ZNF560: variants seen among roughly 807,000 people sequenced by gnomAD.
ZNF560 encodes the protein zinc finger protein 560.
ZNF560 carries 54 observed loss-of-function variants against 81.8 expected under a neutral mutation model. The observed-to-expected ratio is 0.66, with a 90% CI of 0.53 to 0.83. ZNF560 has a LOEUF of 0.83. ZNF560 is among the 40% of genes least tolerant of loss of function. ZNF560 has a pLI of 0.00. For synonymous variants in ZNF560, 321 were observed against 317.9 expected (o/e 1.01, Z -0.10); for missense variants, 940 against 932.4 (o/e 1.01, Z -0.11).
intron 6 of ZNF560, 135 bp from the exon 7 acceptor site, chr19:9,470,653 C>G (rs1243751576): frequency 8.6e-7 from 1 of 1,169,466 alleles, no homozygotes; most frequent in Admixed American, 2.1e-5. Flanking sequence ...GGTTCAGTGG[C>G]CCTAGGAACT....
chr19:9,466,448 G>T lies in ZNF560; in HGVS notation c.*126C>A. On this transcript the variant is annotated 3_prime_UTR_variant, in exon 10 of 10. Coordinates refer to ENST00000301480, the MANE Select transcript of ZNF560 (RefSeq NM_152476.3). ...TGTACATATCTAGAAAGATTCAACT[G>T]TTCAGGCTTTCTCACATTCCTTACA... The T allele has an allele frequency of 3.5e-6, 3 of 851,524 alleles. No homozygotes were observed. The highest frequency in any genetic ancestry group is 1.8e-5 in the South Asian group (1 of 54,440). The allele number at this position is 851,524 out of a possible 1,614,324, so 52.7% of individuals were successfully genotyped here.
chr19:9,487,427 T>C (rs941127141), intron 2 of ZNF560, among the ~76,000 whole-genome samples: 1 of 152,202 alleles, frequency 6.6e-6, no homozygotes, highest in African/African-American at 2.4e-5. Flanking sequence ...GTGTTGTAAA[T>C]GGGGCACTAA....
chr19:9,456,571 C>A, the ZNF560 span, among the ~76,000 whole-genome samples: 1 of 151,878 alleles, frequency 6.6e-6, no homozygotes, highest in Non-Finnish European at 1.5e-5. Context: ...AACTATTCAG[C>A]GAAAGAAATT....
At chr19:9,488,937 A>T (rs889077173) in intron 2 of ZNF560, among the ~76,000 whole-genome samples, 2 of 151,844 alleles carry the variant, frequency 1.3e-5, no homozygotes, top group Admixed American at 1.3e-4. Context: ...CCTCCCCCTC[A>T]TTCTCCCTTG....
chr19:9,455,687 G>T, the ZNF560 span, among the ~76,000 whole-genome samples: 1 of 152,206 alleles, frequency 6.6e-6, no homozygotes. Context: ...AGGATATAGT[G>T]TTGCAGTTAT....
Position 9,498,163 on chromosome 19 carries a change from C to T in ZNF560, c.-92G>A, listed in dbSNP as rs2073592074. On this transcript the variant is annotated 5_prime_UTR_variant, in exon 2 of 10. Coordinates refer to ENST00000301480, the MANE Select transcript of ZNF560 (RefSeq NM_152476.3). ...TGGAGTCGCCAGGTCCGTGGGGCTA[C>T]AGGATCTTGGGGACGGAGTCAATCG... 1 of 152,198 alleles carries T rather than the reference C, an allele frequency of 6.6e-6. No homozygotes were observed. Among genetic ancestry groups the T allele is most frequent in the African/African-American group, 2.4e-5 (1 of 41,438 alleles). 9.4% of individuals were successfully genotyped at this position (152,198 alleles called of 1,614,324 possible). A position where few individuals can be genotyped will look rare whatever the true frequency, so the allele number is the denominator to read the frequency against.
intron 2 of ZNF560, among the ~76,000 whole-genome samples, chr19:9,476,863 C>T (rs971824021): frequency 1.3e-5 from 2 of 152,094 alleles, no homozygotes; most frequent in Non-Finnish European, 2.9e-5. Flanking sequence ...GAAAAACTTA[C>T]CATAGGGCAA....
At chr19:9,463,041 G>A (rs2072958571), downstream of ZNF560, among the ~76,000 whole-genome samples, 1 of 152,180 alleles carries the variant, frequency 6.6e-6, no homozygotes, top group Non-Finnish European at 1.5e-5. Context: ...ATAAAAGTAT[G>A]CTTGTTTTAC....
At chr19:9,497,548 A>G (rs2073581522) in intron 2 of ZNF560, among the ~76,000 whole-genome samples, 2 of 151,834 alleles carry the variant, frequency 1.3e-5, no homozygotes, top group Admixed American at 6.6e-5. Context: ...AAAAAAAAAA[A>G]AAAAAAAATG....
At chr19:9,503,367 A>G (rs963942467), upstream of ZNF560, among the ~76,000 whole-genome samples, 1 of 151,842 alleles carries the variant, frequency 6.6e-6, no homozygotes, top group African/African-American at 2.4e-5. Flanking sequence ...ACTAACAGAA[A>G]TTTTTTTCTT....
At chr19:9,505,946 T>C in the ZNF560 span, among the ~76,000 whole-genome samples, 1 of 151,720 alleles carries the variant, frequency 6.6e-6, no homozygotes, top group African/African-American at 2.4e-5. Flanking sequence ...TTACAGGTGT[T>C]AGCCACCACA....
the ZNF560 span, among the ~76,000 whole-genome samples, chr19:9,505,977 A>ACTTT: frequency 9.6e-3 from 1,436 of 150,006 alleles, 12 homozygotes; most frequent in African/African-American, 0.025. Context: ...ATTCATATTT[A>ACTTT]CTTTCTTTCT....
chr19:9,496,606 G>C (rs2073562660), intron 2 of ZNF560, among the ~76,000 whole-genome samples: 1 of 149,978 alleles, frequency 6.7e-6, no homozygotes, highest in Non-Finnish European at 1.5e-5. Flanking sequence ...GTGGGGGTGG[G>C]GGGGACAGGG....
rs963407637 is a variant in ZNF560 at position 9,477,827 on chromosome 19, C to A, written c.-56-2458G>T. On this transcript the variant is annotated intron_variant, in intron 2 of 9. Transcript: ENST00000301480. ...CAGTAGAGAAGGAAAAGAAAAAAAT[C>A]TTTGAACTTGAAAACAGACTACTTA... Among the ~76,000 whole-genome samples, 6 of 152,070 alleles carry A rather than the reference C, an allele frequency of 3.9e-5. 1 individual carries two copies. Among genetic ancestry groups the A allele is most frequent in the South Asian group, 4.1e-4 (2 of 4,824 alleles).
intron 9 of ZNF560, among the ~76,000 whole-genome samples, chr19:9,468,569 T>A (rs2073071081): frequency 6.6e-6 from 1 of 152,170 alleles, no homozygotes; most frequent in Non-Finnish European, 1.5e-5. Flanking sequence ...TTTTAAAAAC[T>A]CAAATGTCTA....
At chr19:9,493,466 G>A (rs926625656) in intron 2 of ZNF560, among the ~76,000 whole-genome samples, 4 of 152,116 alleles carry the variant, frequency 2.6e-5, no homozygotes, top group Non-Finnish European at 4.4e-5. Context: ...CCAGATTCAA[G>A]CCATTCTCCT....
chr19:9,471,278 AC>A lies in ZNF560; in HGVS notation c.321+17del. 6.5e-7 allele frequency: 1 copy of A among 1,534,852 alleles called. No homozygotes were observed. The highest frequency in any genetic ancestry group is 8.8e-7 in the Non-Finnish European group (1 of 1,134,898). ...TCTCTGAGTGTGAAAAATAAGAAAT[AC>A]CCTTTCTTAACATTACCATTTGTAT... On this transcript the variant is annotated intron_variant, in intron 6 of 9. Coordinates refer to ENST00000301480, the MANE Select transcript of ZNF560 (RefSeq NM_152476.3).
chr19:9,505,606 C>T, the ZNF560 span, among the ~76,000 whole-genome samples: 1 of 152,162 alleles, frequency 6.6e-6, no homozygotes, highest in African/African-American at 2.4e-5. Context: ...TTATTTCCTC[C>T]ACTGCTGATT....
downstream of ZNF560, among the ~76,000 whole-genome samples, chr19:9,463,509 A>G (rs147283068): frequency 6.6e-6 from 1 of 152,372 alleles, no homozygotes; most frequent in Non-Finnish European, 1.5e-5. Context: ...GAGGTGACAG[A>G]AGTCACACAA....
Sources: allele counts gnomAD v4.1 joint callset (sites outside exome capture counted in the v4.1 genomes callset), GRCh38; gene constraint gnomAD v4.1.1; transcripts MANE v1.5; gene names NCBI Gene and HGNC (gene_info 2026-07-23, HGNC 2026-07-21).